RNF13: variants seen among roughly 807,000 people sequenced by gnomAD.
RNF13 encodes the protein ring finger protein 13.
Under a neutral mutation model 37.7 loss-of-function variants are expected in RNF13, and 19 were observed. That is an observed-to-expected ratio of 0.50 (90% CI 0.35 to 0.74). The LOEUF is 0.74. RNF13 is among the 30% of genes least tolerant of loss of function. The probability of loss-of-function intolerance (pLI) is 0.01; values close to 1 mark genes in which losing one functional copy is unlikely to be tolerated. For synonymous variants in RNF13, 144 were observed against 157.8 expected (o/e 0.91, Z 0.65); for missense variants, 375 against 453.0 (o/e 0.83, Z 1.56).
intron 8 of RNF13, among the ~76,000 whole-genome samples, chr3:149,924,929 A>G (rs916761252): frequency 6.6e-6 from 1 of 152,198 alleles, no homozygotes; most frequent in Non-Finnish European, 1.5e-5. Flanking sequence ...CTTAGGTAGT[A>G]TCATAGAGAC....
chr3:149,889,745 T>TC lies in RNF13; in HGVS notation c.322-5726dup, dbSNP rs1404548926. On this transcript the variant is annotated intron_variant, in intron 4 of 9. Coordinates refer to ENST00000392894, the MANE Select transcript of RNF13 (RefSeq NM_183381.3). ...TCTCGGCTCACTGCAACCTCTGACT[T>TC]CCGGGTTCAAGCAATTCTCCTGCCT... Among the ~76,000 whole-genome samples the TC allele has an allele frequency of 6.1e-5, 9 of 147,046 alleles. No homozygotes were observed. In the East Asian group the frequency reaches 1.6e-3, roughly 27 times the overall value.
chr3:149,894,415 C>T (rs1715032925), intron 4 of RNF13, among the ~76,000 whole-genome samples: 1 of 152,126 alleles, frequency 6.6e-6, no homozygotes, highest in East Asian at 1.9e-4. Flanking sequence ...TGGGCTTTCC[C>T]TGGCCCTTTG....
intron 8 of RNF13, among the ~76,000 whole-genome samples, chr3:149,925,186 A>G (rs1040077039): frequency 6.6e-6 from 1 of 152,142 alleles, no homozygotes; most frequent in African/African-American, 2.4e-5. Context: ...GCCTGAACCC[A>G]TTTTGAACCC....
chr3:149,840,517 G>T (rs1393339001), intron 1 of RNF13, among the ~76,000 whole-genome samples: 1 of 152,148 alleles, frequency 6.6e-6, no homozygotes, highest in Non-Finnish European at 1.5e-5. Flanking sequence ...TGTTTTCTCT[G>T]TTTCCCAGAA....
At chr3:149,886,416 G>A (rs1714035942) in intron 4 of RNF13, among the ~76,000 whole-genome samples, 1 of 152,042 alleles carries the variant, frequency 6.6e-6, no homozygotes, top group Non-Finnish European at 1.5e-5. Context: ...AGTGTATAGA[G>A]AAACAGTGGA....
chr3:149,821,194 G>C (rs560753057), intron 1 of RNF13, among the ~76,000 whole-genome samples: 1 of 152,292 alleles, frequency 6.6e-6, no homozygotes, highest in Admixed American at 6.5e-5. Context: ...AGAATGGAAT[G>C]CTGGGTCTTA....
intron 1 of RNF13, among the ~76,000 whole-genome samples, chr3:149,818,612 G>T (rs971750530): frequency 2.6e-5 from 4 of 152,270 alleles, no homozygotes; most frequent in African/African-American, 7.2e-5. Flanking sequence ...CTAGATTGAG[G>T]GTGAGAAGAA....
chr3:149,939,820 T>C, intron 8 of RNF13: 1 of 546,006 alleles, frequency 1.8e-6, no homozygotes, highest in Non-Finnish European at 3.5e-6. Context: ...CGCACTTAGG[T>C]GGGAGAGAAG....
At chr3:149,827,409 A>G (rs1559889713) in intron 1 of RNF13, among the ~76,000 whole-genome samples, 1 of 152,136 alleles carries the variant, frequency 6.6e-6, no homozygotes, top group African/African-American at 2.4e-5. Flanking sequence ...TATATAAACT[A>G]TATATAAACT....
intron 4 of RNF13, among the ~76,000 whole-genome samples, chr3:149,875,930 T>C (rs1285695553): frequency 6.6e-6 from 1 of 152,302 alleles, no homozygotes; most frequent in Non-Finnish European, 1.5e-5. Flanking sequence ...GAGGGAGATA[T>C]TTCTCAAAAG....
chr3:149,865,953 G>A (rs1044397074), intron 3 of RNF13, among the ~76,000 whole-genome samples: 11 of 152,068 alleles, frequency 7.2e-5, no homozygotes, highest in South Asian at 2.1e-4. Flanking sequence ...TGGCTACCCC[G>A]TAGACAGAGC....
intron 4 of RNF13, among the ~76,000 whole-genome samples, chr3:149,881,414 T>C (rs1713385166): frequency 6.6e-6 from 1 of 152,106 alleles, no homozygotes; most frequent in Non-Finnish European, 1.5e-5. Context: ...CACTGCAACC[T>C]CCACCTTCCA....
At chr3:149,830,835 A>G (rs1047805318) in intron 1 of RNF13, among the ~76,000 whole-genome samples, 38 of 152,204 alleles carry the variant, frequency 2.5e-4, no homozygotes, top group African/African-American at 7.0e-4. Context: ...GCCTAGGAGG[A>G]AAAAATGGCT....
chr3:149,814,356 A>G (rs576315075), intron 1 of RNF13: 3 of 152,342 alleles, frequency 2.0e-5, no homozygotes, highest in Admixed American at 1.3e-4. Flanking sequence ...AGTTTATGCT[A>G]TTTAAGCACA....
intron 8 of RNF13, among the ~76,000 whole-genome samples, chr3:149,950,503 C>G (rs1053453868): frequency 6.6e-6 from 1 of 152,140 alleles, no homozygotes; most frequent in African/African-American, 2.4e-5. Flanking sequence ...GAGCGAAGCT[C>G]TCACTCTGGT....
intron 4 of RNF13, among the ~76,000 whole-genome samples, chr3:149,880,312 A>G (rs184396134): frequency 1.1e-4 from 17 of 152,306 alleles, no homozygotes; most frequent in Non-Finnish European, 2.1e-4. Context: ...TGATTGGAAT[A>G]TGAATCCTAT....
intron 3 of RNF13, among the ~76,000 whole-genome samples, chr3:149,864,567 C>G (rs549694521): frequency 6.6e-6 from 1 of 152,296 alleles, no homozygotes; most frequent in South Asian, 2.1e-4. Context: ...GTCAAGGTAT[C>G]ATATCCATTG....
At chr3:149,944,286 A>C (rs1236997025) in intron 8 of RNF13, among the ~76,000 whole-genome samples, 1 of 152,176 alleles carries the variant, frequency 6.6e-6, no homozygotes, top group Admixed American at 6.5e-5. Context: ...ATACATGTAC[A>C]TGTGTCTTTA....
intron 1 of RNF13, among the ~76,000 whole-genome samples, chr3:149,826,307 A>G (rs534565921): frequency 1.6e-4 from 25 of 152,350 alleles, no homozygotes; most frequent in African/African-American, 5.3e-4. Context: ...CTTTATGGCA[A>G]TAATAACTGT....
Sources: allele counts gnomAD v4.1 joint callset (sites outside exome capture counted in the v4.1 genomes callset), GRCh38; gene constraint gnomAD v4.1.1; transcripts MANE v1.5; gene names NCBI Gene and HGNC (gene_info 2026-07-23, HGNC 2026-07-21).